The following OPN5 variants were observed in gnomAD, a reference collection of about 807,000 sequenced individuals.
OPN5 encodes the protein opsin 5.
In OPN5, 18 loss-of-function variants were observed where a neutral mutation model predicts 41.7. The observed-to-expected ratio is 0.43, with a 90% CI of 0.30 to 0.64. The LOEUF (loss-of-function observed/expected upper bound fraction) is 0.64. OPN5 is among the 30% of genes least tolerant of loss of function. OPN5 has a pLI of 0.13. For missense variants in OPN5, 318 were observed against 434.5 expected, an observed-to-expected ratio of 0.73 and a Z score of 2.38; for synonymous variants, 178 against 164.3, an observed-to-expected ratio of 1.08 and a Z score of -0.64.
intron 6 of OPN5, among the ~76,000 whole-genome samples, chr6:47,815,270 A>G (rs1239109559): frequency 6.6e-6 from 1 of 152,164 alleles, no homozygotes; most frequent in Admixed American, 6.6e-5. Context: ...TGAAATGGTA[A>G]CTACAAAAAT....
At chr6:47,789,584 A>G (rs1189983787) in intron 2 of OPN5, among the ~76,000 whole-genome samples, 2 of 152,128 alleles carry the variant, frequency 1.3e-5, no homozygotes, top group African/African-American at 4.8e-5. Flanking sequence ...TTCCTTGTGG[A>G]CTCATTGGAA....
At chr6:47,795,778 T>TCTCTCA (rs766899041) in intron 4 of OPN5, among the ~76,000 whole-genome samples, 57 of 142,886 alleles carry the variant, frequency 4.0e-4, no homozygotes, top group African/African-American at 1.4e-3. Flanking sequence ...TCTCTCTCTC[T>TCTCTCA]CACACACACA....
At position 47,809,401 on chromosome 6, in the gene OPN5, T is replaced by G. The variant is rs964836841; in HGVS notation, c.998+1006T>G. ...TCATTGTGCCTGAGCAAGTGACAAATATTTTGGACTTTAGGTTCCTCACCA... is the reference window on the plus strand; with the variant it reads ...TCATTGTGCCTGAGCAAGTGACAAAGATTTTGGACTTTAGGTTCCTCACCA... On this transcript the variant is annotated intron_variant, in intron 5 of 6. Transcript: ENST00000371211. Among the ~76,000 whole-genome samples, 3 of 152,196 alleles carry G rather than the reference T, an allele frequency of 2.0e-5. No homozygotes were observed. The East Asian group carries it at 5.8e-4, about 29-fold the overall frequency.
At chr6:47,807,346 A>T (rs1228996796) in intron 4 of OPN5, among the ~76,000 whole-genome samples, 1 of 152,154 alleles carries the variant, frequency 6.6e-6, no homozygotes, top group East Asian at 1.9e-4. Flanking sequence ...TGCTAAAAAG[A>T]GTTTGTTGAA....
chr6:47,797,921 T>G (rs1773628864), intron 4 of OPN5, among the ~76,000 whole-genome samples: 1 of 152,322 alleles, frequency 6.6e-6, no homozygotes, highest in African/African-American at 2.4e-5. Context: ...AGTGAGAAGC[T>G]TGTCTAGTCA....
intron 4 of OPN5, among the ~76,000 whole-genome samples, chr6:47,800,564 A>G (rs1218270582): frequency 6.6e-6 from 1 of 152,250 alleles, no homozygotes; most frequent in Non-Finnish European, 1.5e-5. Context: ...AACCTCCAGA[A>G]TAATGGCTGA....
intron 5 of OPN5, among the ~76,000 whole-genome samples, 155 bp from the exon 6 acceptor site, chr6:47,811,519 T>G (rs1268120468): frequency 1.3e-5 from 2 of 152,208 alleles, no homozygotes; most frequent in Non-Finnish European, 2.9e-5. Flanking sequence ...TATTTCAAAT[T>G]GAATTATTAT....
At chr6:47,826,325 C>T (rs934199428), downstream of OPN5, 1 of 152,134 alleles carries the variant, frequency 6.6e-6, no homozygotes, top group Non-Finnish European at 1.5e-5. Context: ...AAAGCATGAT[C>T]CCCAGAAACC....
intron 4 of OPN5, 46 bp downstream of exon 4, chr6:47,795,609 A>G (rs1293093153): frequency 1.5e-6 from 2 of 1,318,636 alleles, no homozygotes; most frequent in East Asian, 4.6e-5. Flanking sequence ...ACTACTTACA[A>G]CTTCATAGGG....
chr6:47,807,358 T>C (rs192408517), intron 4 of OPN5, among the ~76,000 whole-genome samples: 1 of 152,274 alleles, frequency 6.6e-6, no homozygotes, highest in African/African-American at 2.4e-5. Flanking sequence ...TTTGTTGAAT[T>C]GAAGTGAGAT....
At chr6:47,803,978 A>G (rs1773868735) in intron 4 of OPN5, among the ~76,000 whole-genome samples, 1 of 152,226 alleles carries the variant, frequency 6.6e-6, no homozygotes. Flanking sequence ...CTTCAGATGT[A>G]TTAGACCCAG....
At chr6:47,812,141 T>C (rs992143075) in intron 6 of OPN5, among the ~76,000 whole-genome samples, 2 of 152,100 alleles carry the variant, frequency 1.3e-5, no homozygotes, top group East Asian at 1.9e-4. Context: ...TGGACAATCA[T>C]GTATGTTGGG....
At chr6:47,825,434 A>C (rs1226542961), downstream of OPN5, 7 of 152,194 alleles carry the variant, frequency 4.6e-5, no homozygotes, top group Admixed American at 4.6e-4. Context: ...TTAATGTAAT[A>C]AGTTAGGTAC....
intron 1 of OPN5, among the ~76,000 whole-genome samples, chr6:47,784,997 G>T (rs1773162031): frequency 6.6e-6 from 1 of 152,118 alleles, no homozygotes; most frequent in Admixed American, 6.5e-5. Context: ...GAATAGAGAG[G>T]TGACTATTTT....
At chr6:47,812,098 G>T (rs1366126361) in intron 6 of OPN5, among the ~76,000 whole-genome samples, 1 of 152,078 alleles carries the variant, frequency 6.6e-6, no homozygotes. Context: ...CTTAATGTCG[G>T]GTTAGGGAGG....
chr6:47,824,782 T>G (rs1451711041), downstream of OPN5: 1 of 152,138 alleles, frequency 6.6e-6, no homozygotes, highest in Non-Finnish European at 1.5e-5. Flanking sequence ...CTCTCAAAAG[T>G]CTTTGAAGAA....
chr6:47,798,593 TTAA>T (rs982135943), intron 4 of OPN5, among the ~76,000 whole-genome samples: 3 of 150,872 alleles, frequency 2.0e-5, no homozygotes, highest in African/African-American at 7.3e-5. Context: ...TAATATTATA[TTAA>T]TATGTCTATA....
In OPN5 at chr6:47,788,618, T is replaced by C. The variant is rs143362384; in HGVS notation, c.250+1984T>C. Reference sequence around the variant, plus strand: ...TCCCTTCCAATAAACGTTAAAACTTTGCCTGCTTTATTTTTTTCTGGCTCA... The same window carrying C: ...TCCCTTCCAATAAACGTTAAAACTTCGCCTGCTTTATTTTTTTCTGGCTCA... On this transcript the variant is annotated intron_variant, in intron 2 of 6. Coordinates refer to ENST00000371211, the Ensembl canonical transcript of OPN5. Among the ~76,000 whole-genome samples the C allele has an allele frequency of 5.6e-3, 850 of 152,258 alleles. 5 individuals are homozygous for C. The highest frequency in any genetic ancestry group is 8.2e-3 in the Non-Finnish European group (560 of 68,016).
chr6:47,785,532 T>C (rs1773171674), intron 1 of OPN5, among the ~76,000 whole-genome samples: 1 of 152,206 alleles, frequency 6.6e-6, no homozygotes, highest in Non-Finnish European at 1.5e-5. Flanking sequence ...CTCCTGTTAA[T>C]ACTCTCCTTA....
Sources: allele counts gnomAD v4.1 joint callset (sites outside exome capture counted in the v4.1 genomes callset), GRCh38; gene constraint gnomAD v4.1.1; transcripts MANE v1.5; gene names NCBI Gene and HGNC (gene_info 2026-07-23, HGNC 2026-07-21).